Variants in B4GALNT3 observed in about 807,000 individuals in gnomAD.
The protein encoded by B4GALNT3 is beta-1,4-N-acetyl-galactosaminyltransferase 3, also known as beta-1,4-N-acetylgalactosaminyltransferase 3.
Under a neutral mutation model 120.2 loss-of-function variants are expected in B4GALNT3, and 86 were observed. That is an observed-to-expected ratio of 0.72 (90% CI 0.60 to 0.86). B4GALNT3 has a LOEUF of 0.86. Among genes scored for constraint, B4GALNT3 ranks in the 40% least tolerant of loss-of-function variants. The pLI, the probability that B4GALNT3 is intolerant of heterozygous loss-of-function variation, is 0.00. For missense variants in B4GALNT3, 1,167 were observed against 1,298.9 expected (o/e 0.90, Z 1.56); for synonymous variants, 518 against 510.4 (o/e 1.01, Z -0.20).
chr12:479,884 A>AT (rs1439068008), intron 1 of B4GALNT3, among the ~76,000 whole-genome samples: 7 of 115,316 alleles, frequency 6.1e-5, no homozygotes, highest in African/African-American at 1.5e-4. Context: ...GAACTGACCA[A>AT]TTAAAAAAAA....
At chr12:508,620 A>G (rs1409885694) in intron 1 of B4GALNT3, among the ~76,000 whole-genome samples, 1 of 152,030 alleles carries the variant, frequency 6.6e-6, no homozygotes, top group African/African-American at 2.4e-5. Flanking sequence ...TATTCCTCTC[A>G]CTTAATATTT....
chr12:518,607 C>T (rs2120613025), intron 1 of B4GALNT3, among the ~76,000 whole-genome samples: 1 of 152,152 alleles, frequency 6.6e-6, no homozygotes, highest in South Asian at 2.1e-4. Context: ...TTGTGTTGCT[C>T]AGCCTGGTCT....
intron 3 of B4GALNT3, 123 bp downstream of exon 3, chr12:536,418 G>C (rs936539393): frequency 4.4e-6 from 3 of 676,896 alleles, no homozygotes; most frequent in Non-Finnish European, 7.3e-6. Context: ...CTTTGAGAGA[G>C]CTAAAAAATA....
Position 558,605 on chromosome 12 carries a change from C to T in B4GALNT3, c.2705C>T (p.Ala902Val), listed in dbSNP as rs747329524. Residue 902 changes from alanine (A) to valine (V), a missense_variant, in exon 18 of 20, where the codon GCC (alanine) becomes GTC (valine). Around this residue, in one of 3 missense-constraint regions of B4GALNT3, gnomAD observed 983 missense variants for 1,102.5 expected, o/e 0.89. Transcript: ENST00000266383. ...AAGCACTGTGTGGAGGGAAAGATGG[C>T]CTTTGCCCCCATGGTGATGAGGCTG... ...IRKHCVEGKM[A>V]FAPMVMRLHC... 1.2e-6 allele frequency: 2 copies of T among 1,613,946 alleles called. No homozygotes were observed. Among genetic ancestry groups the T allele is most frequent in the South Asian group, 1.1e-5 (1 of 91,086 alleles).
At chr12:539,285 C>T (rs1946891696) in intron 3 of B4GALNT3, among the ~76,000 whole-genome samples, 2 of 152,196 alleles carry the variant, frequency 1.3e-5, no homozygotes, top group South Asian at 4.1e-4. Flanking sequence ...CATTAACAAA[C>T]CCCAGTGCCA....
intron 1 of B4GALNT3, among the ~76,000 whole-genome samples, chr12:511,013 CTTTTTT>C (rs762032000): frequency 1.1e-4 from 5 of 43,896 alleles, no homozygotes; most frequent in African/African-American, 4.1e-4. Context: ...TTTGCCTATT[CTTTTTT>C]TTTTTTTTTT....
At chr12:545,504 C>T (rs750289953) in intron 6 of B4GALNT3, 35 bp downstream of exon 6, 4 of 1,543,808 alleles carry the variant, frequency 2.6e-6, no homozygotes, top group South Asian at 1.2e-5. Context: ...CTCCCATCTG[C>T]TCCTGGAGCC....
In B4GALNT3 at chr12:561,761, A is replaced by C; in HGVS notation, c.*310A>C. On this transcript the variant is annotated 3_prime_UTR_variant, in exon 20 of 20. Coordinates refer to ENST00000266383, the MANE Select transcript of B4GALNT3 (RefSeq NM_173593.4). ...AGGAGAGATCTGACTGAGCGACACCATCCTCATCCATGAAGGTGCACGCCC... is the reference window on the plus strand; with the variant it reads ...AGGAGAGATCTGACTGAGCGACACCCTCCTCATCCATGAAGGTGCACGCCC... 3.6e-6 allele frequency: 1 copy of C among 281,068 alleles called. No homozygotes were observed. 17.4% of individuals were successfully genotyped at this position (281,068 alleles called of 1,614,324 possible). A position where few individuals can be genotyped will look rare whatever the true frequency, so the allele number is the denominator to read the frequency against.
intron 15 of B4GALNT3, 48 bp downstream of exon 15, chr12:556,914 A>T (rs778485190): frequency 2.6e-6 from 4 of 1,554,242 alleles, no homozygotes; most frequent in Non-Finnish European, 3.5e-6. Flanking sequence ...GGGTCCTCAC[A>T]CTGTCAGGAG....
At chr12:487,479 G>A (rs1946300287) in intron 1 of B4GALNT3, among the ~76,000 whole-genome samples, 1 of 152,222 alleles carries the variant, frequency 6.6e-6, no homozygotes, top group South Asian at 2.1e-4. Context: ...TTGGGAGGCT[G>A]AGGCGGGCAG....
At chr12:504,738 C>T (rs1453810090) in intron 1 of B4GALNT3, among the ~76,000 whole-genome samples, 1 of 152,108 alleles carries the variant, frequency 6.6e-6, no homozygotes, top group Admixed American at 6.5e-5. Context: ...AAAAACCCCA[C>T]ATACTGTTAT....
At chr12:464,690 C>T (rs770084758) in intron 1 of B4GALNT3, among the ~76,000 whole-genome samples, 63 of 152,048 alleles carry the variant, frequency 4.1e-4, no homozygotes, top group South Asian at 8.3e-4. Flanking sequence ...GACATTTGGG[C>T]GCAAATCCAA....
chr12:526,449 C>T (rs771616061), intron 1 of B4GALNT3, among the ~76,000 whole-genome samples: 53 of 152,292 alleles, frequency 3.5e-4, no homozygotes, highest in Non-Finnish European at 6.8e-4. Context: ...TCAGAAAAGT[C>T]AGTACTGACC....
intron 1 of B4GALNT3, among the ~76,000 whole-genome samples, chr12:465,223 G>A (rs1946065086): frequency 6.6e-6 from 1 of 152,150 alleles, no homozygotes; most frequent in Admixed American, 6.5e-5. Flanking sequence ...CTTTTCACGT[G>A]TCCGGTTTAT....
intron 3 of B4GALNT3, among the ~76,000 whole-genome samples, chr12:539,399 G>T (rs1478679404): frequency 6.6e-6 from 1 of 152,138 alleles, no homozygotes; most frequent in Non-Finnish European, 1.5e-5. Flanking sequence ...AAGAAATTTG[G>T]TGAGTACAAA....
chr12:477,242 T>G (rs920185244), intron 1 of B4GALNT3, among the ~76,000 whole-genome samples: 1 of 152,166 alleles, frequency 6.6e-6, no homozygotes, highest in African/African-American at 2.4e-5. Context: ...TCAGGGAAGA[T>G]CCTTTCTTTT....
At chr12:500,466 G>A (rs1367734724) in intron 1 of B4GALNT3, among the ~76,000 whole-genome samples, 1 of 152,164 alleles carries the variant, frequency 6.6e-6, no homozygotes, top group Admixed American at 6.6e-5. Context: ...GCTGAGCCTA[G>A]TCCTGCATGT....
chr12:534,038 G>T (rs1421607537), intron 1 of B4GALNT3, among the ~76,000 whole-genome samples: 3 of 152,312 alleles, frequency 2.0e-5, no homozygotes, highest in African/African-American at 7.2e-5. Context: ...CAGGGGTCGG[G>T]GACTGTCAGG....
chr12:528,563 AG>A (rs1290528118), intron 1 of B4GALNT3, among the ~76,000 whole-genome samples: 3 of 152,364 alleles, frequency 2.0e-5, no homozygotes, highest in South Asian at 2.1e-4. Flanking sequence ...GGATAGGTTT[AG>A]CCACACAGCC....
Sources: gnomAD v4.1 joint callset for allele counts (sites outside exome capture counted in the v4.1 genomes callset) on GRCh38, gnomAD v4.1.1 for gene constraint, gnomAD v4.1.1 regional missense constraint, MANE v1.5 for transcripts, NCBI Gene and HGNC (gene_info 2026-07-23, HGNC 2026-07-21) for gene names.